The following ANO7 variants were observed in gnomAD, a reference collection of about 807,000 sequenced individuals.
The protein encoded by ANO7 is anoctamin-7.
Under a neutral mutation model 115.8 loss-of-function variants are expected in ANO7, and 114 were observed. The observed-to-expected ratio is 0.98, with a 90% CI of 0.85 to 1.15. ANO7 has a LOEUF of 1.15. ANO7 is among the 50% of genes most tolerant of loss of function. The pLI is 0.00. For missense variants in ANO7, 1,302 were observed against 1,201.2 expected, an observed-to-expected ratio of 1.08 and a Z score of -1.24; for synonymous variants, 550 against 498.2, an observed-to-expected ratio of 1.10 and a Z score of -1.38.
At chr2:241,240,226 T>G in the ANO7 span, 1 of 1,080,736 alleles carries the variant, frequency 9.3e-7, no homozygotes, top group Non-Finnish European at 1.4e-6. The surrounding 1 kb of genome is among the most constrained non-coding windows in gnomAD (Gnocchi z 5.5). Context: ...TCCCCTTACA[T>G]TGTCACCAGT....
At chr2:241,222,296 G>C (rs773622673) in intron 21 of ANO7, among the ~76,000 whole-genome samples, 9 of 149,252 alleles carry the variant, frequency 6.0e-5, no homozygotes, top group Non-Finnish European at 1.3e-4. Context: ...ACAGGCATGA[G>C]CCACCGCGCC....
At chr2:241,212,532 A>G (rs533781589) in intron 16 of ANO7, 40 bp from the exon 17 acceptor site, 1 of 1,600,292 alleles carries the variant, frequency 6.2e-7, no homozygotes, top group South Asian at 1.1e-5. Context: ...AGGAGACAGG[A>G]AGGATCCCAT....
chr2:241,206,989 C>T (rs1356778653), intron 10 of ANO7, among the ~76,000 whole-genome samples: 4 of 147,666 alleles, frequency 2.7e-5, no homozygotes, highest in Non-Finnish European at 4.5e-5. Flanking sequence ...GGAATGCTCC[C>T]AGCCTGACAC....
chr2:241,222,460 G>A (rs562338907), intron 21 of ANO7, among the ~76,000 whole-genome samples: 7 of 151,954 alleles, frequency 4.6e-5, no homozygotes, highest in Admixed American at 1.3e-4. Flanking sequence ...CCGCAGGGTG[G>A]TCTCGTCGTC....
intron 19 of ANO7, among the ~76,000 whole-genome samples, chr2:241,216,541 G>C (rs1468316741): frequency 6.6e-6 from 1 of 152,262 alleles, no homozygotes; most frequent in Non-Finnish European, 1.5e-5. Flanking sequence ...GCCAGAGCAA[G>C]GGAAGAATTA....
Position 241,203,635 on chromosome 2 carries a change from C to T in ANO7, c.889+137C>T, listed in dbSNP as rs59218195. On this transcript the variant is annotated intron_variant, in intron 9 of 24. Transcript: ENST00000674324. This position sits in a 1 kb window ranked among gnomAD's most constrained non-coding sequence, Gnocchi z 4.8. ...CGGTGGGCGCAGCTCTTGGCTCGAC[C>T]GGGCTGCCCTCCTGGCTCCCCTCAA... 3,206 of 604,238 alleles carry T rather than the reference C, an allele frequency of 5.3e-3. 91 individuals are homozygous for T. In the African/African-American group the frequency reaches 0.055, roughly 10 times the overall value. The allele number at this position is 604,238 out of a possible 1,614,324, so 37.4% of individuals were successfully genotyped here.
the ANO7 span, among the ~76,000 whole-genome samples, chr2:241,238,001 C>T: frequency 6.6e-6 from 1 of 152,230 alleles, no homozygotes; most frequent in Admixed American, 6.5e-5. The surrounding 1 kb of genome is among the most constrained non-coding windows in gnomAD (Gnocchi z 4.9). Context: ...CCACCTGCCG[C>T]CCAAACAGCT....
At chr2:241,235,076 T>C in the ANO7 span, 1 of 1,601,862 alleles carries the variant, frequency 6.2e-7, no homozygotes, top group South Asian at 1.1e-5. Flanking sequence ...TGCCCAAAGC[T>C]GAGCACCATG....
At chr2:241,193,529 G>T (rs995263644) in intron 3 of ANO7, among the ~76,000 whole-genome samples, 1 of 150,942 alleles carries the variant, frequency 6.6e-6, no homozygotes, top group Admixed American at 6.6e-5. Context: ...CACATCTCCT[G>T]CTACCAGAAG....
rs1367770269 is a variant in ANO7 at position 241,224,164 on chromosome 2, G to A, written c.*11G>A. 1 of 1,614,028 alleles carries A rather than the reference G, an allele frequency of 6.2e-7. No individual in the cohort carries two copies. Among genetic ancestry groups the A allele is most frequent in the Non-Finnish European group, 8.5e-7 (1 of 1,180,000 alleles). ...CAGCTGCAGCAGTGACGCCTGGAAG[G>A]ACATCTGGTGGTCCTTAGGGGAGTG... On this transcript the variant is annotated 3_prime_UTR_variant, in exon 25 of 25. Transcript: ENST00000674324.
At chr2:241,215,343 G>T (rs2068806797) in intron 18 of ANO7, among the ~76,000 whole-genome samples, 2 of 152,214 alleles carry the variant, frequency 1.3e-5, no homozygotes. Flanking sequence ...CCCCTGCCAG[G>T]GACACCCTGA....
chr2:241,202,407 G>A (rs994731001), intron 8 of ANO7, 103 bp downstream of exon 8: 145 of 1,002,456 alleles, frequency 1.4e-4, no homozygotes, highest in Middle Eastern at 5.8e-4. Flanking sequence ...ATGGTCAGCC[G>A]GCGTGGCCAC....
intron 4 of ANO7, among the ~76,000 whole-genome samples, chr2:241,196,845 G>GTT (rs1288433421): frequency 1.1e-4 from 1 of 8,822 alleles, no homozygotes; most frequent in African/African-American, 3.8e-4. Flanking sequence ...ATTCGTGTGT[G>GTT]TGTGTGTGTG....
chr2:241,214,930 C>T, intron 18 of ANO7, 28 bp downstream of exon 18: 1 of 1,596,400 alleles, frequency 6.3e-7, no homozygotes, highest in South Asian at 1.1e-5. Context: ...CCCTGGGTGG[C>T]ATCCAAGGAC....
chr2:241,238,897 G>A, the ANO7 span: 11 of 828,386 alleles, frequency 1.3e-5, no homozygotes, highest in African/African-American at 1.7e-4. This position sits in a 1 kb window ranked among gnomAD's most constrained non-coding sequence, Gnocchi z 4.9. Flanking sequence ...ACAGCCACTT[G>A]GCACAGATGC....
chr2:241,239,963 T>C, the ANO7 span: 15 of 1,614,210 alleles, frequency 9.3e-6, no homozygotes, highest in African/African-American at 1.3e-5. This position sits in a 1 kb window ranked among gnomAD's most constrained non-coding sequence, Gnocchi z 4.6. Context: ...TCCTTTCCAA[T>C]GATGGTGATC....
Position 241,188,851 on chromosome 2 carries a change from C to T in ANO7, c.-8+85C>T, listed in dbSNP as rs995464734. 2.0e-5 allele frequency: 31 copies of T among 1,516,778 alleles called. 1 individual carries two copies. Among genetic ancestry groups the T allele is most frequent in the African/African-American group, 9.6e-5 (7 of 72,558 alleles). 94.0% of individuals were successfully genotyped at this position (1,516,778 alleles called of 1,614,324 possible). A position where few individuals can be genotyped will look rare whatever the true frequency, so the allele number is the denominator to read the frequency against. On this transcript the variant is annotated intron_variant, in intron 1 of 24. Transcript: ENST00000674324. The surrounding 1 kb of genome is among the most constrained non-coding windows in gnomAD (Gnocchi z 4.3). ...GAGGCAGGGCGGCACCCCAGCCCACCGGGACTTTCACACACCCTGGCCTGT... is the reference window on the plus strand; with the variant it reads ...GAGGCAGGGCGGCACCCCAGCCCACTGGGACTTTCACACACCCTGGCCTGT...
intron 7 of ANO7, among the ~76,000 whole-genome samples, chr2:241,201,707 A>T (rs1000547325): frequency 1.8e-4 from 28 of 152,190 alleles, no homozygotes; most frequent in African/African-American, 6.0e-4. Flanking sequence ...GGGTGGCCCC[A>T]GGCGGGGCAG....
At chr2:241,189,495 G>T (rs1559435591) in intron 1 of ANO7, among the ~76,000 whole-genome samples, 1 of 152,174 alleles carries the variant, frequency 6.6e-6, no homozygotes, top group Non-Finnish European at 1.5e-5. Flanking sequence ...CACAGAGAGA[G>T]ACCCCCGGGG....
Sources: allele counts gnomAD v4.1 joint callset (sites outside exome capture counted in the v4.1 genomes callset), GRCh38; gene constraint gnomAD v4.1.1; non-coding constraint Gnocchi (gnomAD v3.1); transcripts MANE v1.5; gene names NCBI Gene and HGNC (gene_info 2026-07-23, HGNC 2026-07-21).